The following DTL variants were observed in gnomAD, a reference collection of about 807,000 sequenced individuals.
DTL encodes denticleless protein homolog.
Under a neutral mutation model 87.0 loss-of-function variants are expected in DTL, and 46 were observed. The ratio of observed to expected loss-of-function variants is 0.53; its 90% CI spans 0.42 to 0.68. The LOEUF is 0.68. Among genes scored for constraint, DTL ranks in the 30% least tolerant of loss-of-function variants. DTL has a pLI of 0.00. For synonymous variants in DTL, 308 were observed against 311.2 expected (o/e 0.99, Z 0.11); for missense variants, 737 against 869.4 (o/e 0.85, Z 1.91).
chr1:212,078,212 C>G lies in DTL; in HGVS notation c.1075C>G (p.His359Asp), dbSNP rs746315962. Residue 359 changes from histidine (H) to aspartate (D), a missense_variant, in exon 12 of 15, where the codon CAT (histidine) becomes GAT (aspartate). His to Asp is a moderately conservative substitution (Grantham distance 81). Transcript: ENST00000366991. Reference sequence around the variant, plus strand: ...GCAACCTCCTACTGTGCTCCTGGGTCATTCTCAAGAGGTCACGTCTGTGTG... The same window carrying G: ...GCAACCTCCTACTGTGCTCCTGGGTGATTCTCAAGAGGTCACGTCTGTGTG... ...PWQPPTVLLG[H>D]SQEVTSVCWC... 3 of 1,612,882 alleles carry G rather than the reference C, an allele frequency of 1.9e-6. No individual in the cohort carries two copies. Among genetic ancestry groups the G allele is most frequent in the Non-Finnish European group, 1.7e-6 (2 of 1,178,986 alleles).
chr1:212,101,181 AAG>A (rs1259369373), intron 14 of DTL, 97 bp downstream of exon 14: 1 of 916,832 alleles, frequency 1.1e-6, no homozygotes, highest in Non-Finnish European at 1.6e-6. Context: ...TTTTTAAAGA[AAG>A]AAATCTATTT....
At chr1:212,061,704 T>G (rs74676819) in intron 5 of DTL, among the ~76,000 whole-genome samples, 8,746 of 152,264 alleles carry the variant, frequency 0.057, 279 homozygotes, top group Non-Finnish European at 0.073. Flanking sequence ...GAATACTATT[T>G]GGCCATAAGG....
intron 3 of DTL, 56 bp downstream of exon 3, chr1:212,044,814 A>C: frequency 7.0e-6 from 7 of 1,000,706 alleles, no homozygotes; most frequent in Non-Finnish European, 9.5e-6. Flanking sequence ...ACACATCCTC[A>C]AGTATATTAT....
At chr1:212,066,684 C>A in intron 7 of DTL, 128 bp from the exon 8 acceptor site, 1 of 675,924 alleles carries the variant, frequency 1.5e-6, no homozygotes, top group Non-Finnish European at 2.6e-6. Flanking sequence ...TATATCTGAT[C>A]GAGATCATTA....
At position 212,101,096 on chromosome 1, in the gene DTL, G is replaced by A. The variant is rs1208872375; in HGVS notation, c.2094+12G>A. 3 of 1,565,920 alleles carry A rather than the reference G, an allele frequency of 1.9e-6. No individual in the cohort carries two copies. The highest frequency in any genetic ancestry group is 2.6e-6 in the Non-Finnish European group (3 of 1,155,812). ...AATTGCCAAGCCCGGTAAGTCAGCA[G>A]TGGTGGGAAGATACATTTCCTAACT... On this transcript the variant is annotated intron_variant, in intron 14 of 14. Coordinates refer to ENST00000366991, the MANE Select transcript of DTL (RefSeq NM_016448.4).
intron 13 of DTL, among the ~76,000 whole-genome samples, chr1:212,082,344 G>A (rs1423982063): frequency 6.6e-6 from 1 of 152,166 alleles, no homozygotes; most frequent in African/African-American, 2.4e-5. Flanking sequence ...CTTTCAAGGA[G>A]TTTTGTTATA....
chr1:212,036,265 A>G (rs17018375), intron 1 of DTL, among the ~76,000 whole-genome samples: 3,954 of 152,158 alleles, frequency 0.026, 57 homozygotes, highest in African/African-American at 0.046. Flanking sequence ...GTTTCCTTCA[A>G]CGGTTATTTG....
At chr1:212,053,649 G>A (rs1378569526) in intron 5 of DTL, among the ~76,000 whole-genome samples, 4 of 151,990 alleles carry the variant, frequency 2.6e-5, no homozygotes, top group African/African-American at 7.3e-5. Context: ...GTGCAGTGGC[G>A]AAATCTGCTC....
rs1491438612 is a variant in DTL at position 212,052,741 on chromosome 1, T to TA, written c.460+5324_460+5325insA. On this transcript the variant is annotated intron_variant, in intron 5 of 14. Transcript: ENST00000366991. ...TACCTTAATTACCCATATATATATA[T>TA]TTTTTTTCAATTACTCATGTATTTG... Among the ~76,000 whole-genome samples, 15 of 126,894 alleles carry TA rather than the reference T, an allele frequency of 1.2e-4. No individual in the cohort carries two copies. In the East Asian group the frequency reaches 1.9e-3, roughly 16 times the overall value. The allele number at this position is 126,894 out of a possible 152,430, so 83.2% of individuals were successfully genotyped here.
At chr1:212,080,911 C>T (rs1401584151) in intron 13 of DTL, among the ~76,000 whole-genome samples, 161 bp downstream of exon 13, 1 of 152,128 alleles carries the variant, frequency 6.6e-6, no homozygotes, top group Non-Finnish European at 1.5e-5. Flanking sequence ...CCAAGCACTA[C>T]TATGTTTATC....
chr1:212,082,278 T>C (rs1655009654), intron 13 of DTL, among the ~76,000 whole-genome samples: 1 of 152,208 alleles, frequency 6.6e-6, no homozygotes, highest in East Asian at 1.9e-4. Context: ...GGTATGATGG[T>C]GGCCTGATTG....
intron 13 of DTL, among the ~76,000 whole-genome samples, chr1:212,086,644 TC>T (rs1655138855): frequency 6.6e-6 from 1 of 152,168 alleles, no homozygotes; most frequent in Admixed American, 6.5e-5. Context: ...CACCTCAGTC[TC>T]CCAAAGTGCT....
At chr1:212,075,883 T>G (rs1294359682) in intron 11 of DTL, among the ~76,000 whole-genome samples, 1 of 152,172 alleles carries the variant, frequency 6.6e-6, no homozygotes, top group Non-Finnish European at 1.5e-5. Flanking sequence ...TCTAATCCCC[T>G]CTTCCTCCCC....
chr1:212,096,347 TTTGTTG>T (rs141760209), intron 13 of DTL, among the ~76,000 whole-genome samples: 7 of 151,750 alleles, frequency 4.6e-5, no homozygotes, highest in African/African-American at 1.2e-4. Flanking sequence ...TCTTTTGTAT[TTTGTTG>T]TTGTTGTTTC....
At chr1:212,058,739 C>A (rs527490431) in intron 5 of DTL, among the ~76,000 whole-genome samples, 1 of 151,056 alleles carries the variant, frequency 6.6e-6, no homozygotes, top group African/African-American at 2.4e-5. Flanking sequence ...AAAGGGTCAA[C>A]AAAACAAAAG....
Position 212,102,984 on chromosome 1 carries a change from A to G in DTL, c.*44A>G, listed in dbSNP as rs1161388616. On this transcript the variant is annotated 3_prime_UTR_variant, in exon 15 of 15. Coordinates refer to ENST00000366991, the MANE Select transcript of DTL (RefSeq NM_016448.4). ...TACTGAGCTTTGGTCCACTAAAACA[A>G]GCTGAGCTTTGGTCCACTAAAACAA... is the stretch of plus-strand genomic sequence containing the variant. The G allele has an allele frequency of 5.8e-6, 7 of 1,209,666 alleles. No individual in the cohort carries two copies. Among genetic ancestry groups the G allele is most frequent in the Non-Finnish European group, 8.4e-6 (7 of 833,418 alleles). 74.9% of individuals were successfully genotyped at this position (1,209,666 alleles called of 1,614,324 possible). A position where few individuals can be genotyped will look rare whatever the true frequency, so the allele number is the denominator to read the frequency against.
chr1:212,047,382 G>C lies in DTL; in HGVS notation c.425G>C (p.Ser142Thr). The C allele has an allele frequency of 6.2e-7, 1 of 1,614,192 alleles. No individual in the cohort carries two copies. The change falls in exon 5 of 15, where the codon AGC (serine) becomes ACC (threonine). Residue 142 changes from serine (S) to threonine (T), a missense_variant. By Grantham distance (58) the Ser-to-Thr change is moderately conservative. Coordinates refer to ENST00000366991, the MANE Select transcript of DTL (RefSeq NM_016448.4). ...GGAACATGCAAAGGTCATCAATGCA[G>C]CCTCAAGTCAGTTGCCTTTTCTAAG... ...LIGTCKGHQCSLKSVAFSKFE... is the reference protein window; with the variant it reads ...LIGTCKGHQCTLKSVAFSKFE...
chr1:212,039,636 C>T lies in DTL; in HGVS notation c.53-3357C>T, dbSNP rs536328300. Among the ~76,000 whole-genome samples the T allele has an allele frequency of 8.5e-5, 13 of 152,238 alleles. No individual in the cohort carries two copies. In the South Asian group the frequency reaches 2.7e-3, roughly 32 times the overall value. ...ATCATTAGGTGATTTTATCATTGTG[C>T]AAACATCACAGAGTATAAACACAAA... On this transcript the variant is annotated intron_variant, in intron 1 of 14. Coordinates refer to ENST00000366991, the MANE Select transcript of DTL (RefSeq NM_016448.4).
At position 212,080,622 on chromosome 1, in the gene DTL, C is replaced by T. The variant is rs760354832; in HGVS notation, c.1133C>T (p.Thr378Ile). The T allele has an allele frequency of 3.1e-6, 5 of 1,612,432 alleles. No individual in the cohort carries two copies. In the Admixed American group the frequency reaches 8.4e-5, roughly 27 times the overall value. ...WCPSDFTKIA[T>I]CSDDNTLKIW... ...CTTGGTACTCCCTCTTAGATTGCTA[C>T]CTGTTCTGATGACAATACACTAAAA... The change falls in exon 13 of 15, where the codon ACC (threonine) becomes ATC (isoleucine). Residue 378 changes from threonine to isoleucine, a missense_variant. Thr to Ile is a moderately conservative substitution (Grantham distance 89). Coordinates refer to ENST00000366991, the MANE Select transcript of DTL (RefSeq NM_016448.4).
Sources: allele counts gnomAD v4.1 joint callset (sites outside exome capture counted in the v4.1 genomes callset), GRCh38; gene constraint gnomAD v4.1.1; transcripts MANE v1.5; gene names NCBI Gene and HGNC (gene_info 2026-07-23, HGNC 2026-07-21).